Variants in SPACA7 observed in about 807,000 individuals in gnomAD.
The protein encoded by SPACA7 is sperm acrosome-associated protein 7.
In SPACA7, 19 loss-of-function variants were observed where a neutral mutation model predicts 26.3. The observed-to-expected ratio is 0.72, with a 90% confidence interval of 0.50 to 1.06. The LOEUF (loss-of-function observed/expected upper bound fraction) is 1.06, where lower values mean the gene tolerates loss of function less well. SPACA7 is among the 50% of genes least tolerant of loss of function. SPACA7 has a pLI of 0.00. For synonymous variants in SPACA7, 84 were observed against 84.5 expected (o/e 0.99, Z 0.04); for missense variants, 211 against 229.9 (o/e 0.92, Z 0.53).
chr13:112,382,916 G>A (rs938843662), intron 1 of SPACA7, among the ~76,000 whole-genome samples: 21 of 151,844 alleles, frequency 1.4e-4, no homozygotes, highest in African/African-American at 5.1e-4. Context: ...TTGAACCTGG[G>A]AGGCAGCAGT....
chr13:112,425,879 A>C (rs1876491384), intron 5 of SPACA7, among the ~76,000 whole-genome samples: 1 of 152,172 alleles, frequency 6.6e-6, no homozygotes, highest in Admixed American at 6.5e-5. Context: ...AGTGGACAGC[A>C]CCAGAGTTCC....
intron 2 of SPACA7, among the ~76,000 whole-genome samples, chr13:112,393,429 G>A (rs1330239045): frequency 1.2e-4 from 18 of 151,074 alleles, no homozygotes; most frequent in Non-Finnish European, 2.4e-4. Flanking sequence ...CACCAGCACC[G>A]CATTCAACCT....
intron 5 of SPACA7, among the ~76,000 whole-genome samples, chr13:112,412,491 G>T (rs1397194604): frequency 6.6e-6 from 1 of 151,888 alleles, no homozygotes; most frequent in Non-Finnish European, 1.5e-5. Context: ...TGCTTTTGTT[G>T]CCTGTGCTTT....
chr13:112,422,623 A>G (rs1876096280), intron 5 of SPACA7, among the ~76,000 whole-genome samples: 1 of 152,250 alleles, frequency 6.6e-6, no homozygotes. Flanking sequence ...TAAACCAGAA[A>G]TCAATAATAG....
chr13:112,431,579 G>T (rs1877140881), intron 5 of SPACA7, among the ~76,000 whole-genome samples: 1 of 152,178 alleles, frequency 6.6e-6, no homozygotes, highest in African/African-American at 2.4e-5. Context: ...ATATATGAGG[G>T]ATTCTTGTTT....
intron 5 of SPACA7, among the ~76,000 whole-genome samples, chr13:112,409,123 C>T (rs918888463): frequency 1.3e-5 from 2 of 152,150 alleles, no homozygotes; most frequent in African/African-American, 4.8e-5. Flanking sequence ...GAAAGGATTC[C>T]CTATTTAATA....
At chr13:112,409,624 A>G (rs1251496565) in intron 5 of SPACA7, among the ~76,000 whole-genome samples, 2 of 152,240 alleles carry the variant, frequency 1.3e-5, no homozygotes, top group African/African-American at 4.8e-5. Flanking sequence ...AATGCTCATC[A>G]TCACTGGCCA....
intron 5 of SPACA7, among the ~76,000 whole-genome samples, chr13:112,414,039 C>G (rs1366815848): frequency 6.6e-6 from 1 of 152,040 alleles, no homozygotes; most frequent in Non-Finnish European, 1.5e-5. Context: ...TCTTGAACAA[C>G]CAGCTCCTGT....
intron 5 of SPACA7, among the ~76,000 whole-genome samples, chr13:112,404,038 C>A (rs1048006461): frequency 6.6e-6 from 1 of 152,210 alleles, no homozygotes; most frequent in African/African-American, 2.4e-5. Context: ...TACATTCCCA[C>A]CAGCAGTGGA....
intron 5 of SPACA7, among the ~76,000 whole-genome samples, chr13:112,403,640 G>A (rs1885787831): frequency 6.6e-6 from 1 of 152,086 alleles, no homozygotes; most frequent in African/African-American, 2.4e-5. Flanking sequence ...CATCCTCATA[G>A]CTTAGCTCCC....
intron 5 of SPACA7, among the ~76,000 whole-genome samples, chr13:112,425,249 G>C (rs1335535702): frequency 1.3e-5 from 2 of 152,166 alleles, no homozygotes; most frequent in Non-Finnish European, 2.9e-5. Context: ...GTGAGTCAGA[G>C]GGCATGAGTT....
intron 5 of SPACA7, among the ~76,000 whole-genome samples, chr13:112,410,504 A>C (rs1886281171): frequency 6.6e-6 from 1 of 152,096 alleles, no homozygotes. Flanking sequence ...CTTAAAAAGA[A>C]ATAAAATTCT....
At position 112,432,338 on chromosome 13, in the gene SPACA7, T is replaced by A. The variant is rs1293510282; in HGVS notation, c.446-106T>A. On this transcript the variant is annotated intron_variant, in intron 5 of 6. Transcript: ENST00000283550. ...TCACCCCGCTTGCTCTGTGCGTGGG[T>A]GCTGCTTTGCTCAGCGCTTACGGCT... is the stretch of plus-strand genomic sequence containing the variant. The A allele has an allele frequency of 3.5e-6, 3 of 856,960 alleles. No individual in the cohort carries two copies. In the African/African-American group the frequency reaches 5.0e-5, roughly 14 times the overall value. 53.1% of individuals were successfully genotyped at this position (856,960 alleles called of 1,614,324 possible).
intron 5 of SPACA7, among the ~76,000 whole-genome samples, chr13:112,422,028 A>T (rs1345792874): frequency 6.6e-6 from 1 of 152,166 alleles, no homozygotes; most frequent in African/African-American, 2.4e-5. Context: ...TAATTGCTGG[A>T]TGATGAAATA....
intron 1 of SPACA7, chr13:112,382,575 C>A: frequency 6.6e-7 from 1 of 1,520,762 alleles, no homozygotes. Context: ...GCTTCCAAGG[C>A]TTGTGTGGTA....
At chr13:112,389,260 T>G (rs1294189154) in intron 1 of SPACA7, among the ~76,000 whole-genome samples, 2 of 152,224 alleles carry the variant, frequency 1.3e-5, no homozygotes, top group Non-Finnish European at 2.9e-5. Flanking sequence ...TAATGGAGCC[T>G]GTTAAATCTC....
intron 1 of SPACA7, among the ~76,000 whole-genome samples, chr13:112,386,749 C>G (rs1040928892): frequency 6.6e-6 from 1 of 152,184 alleles, no homozygotes; most frequent in Non-Finnish European, 1.5e-5. Flanking sequence ...TTTTAATTAA[C>G]CTGACTTTTA....
At chr13:112,388,956 C>A (rs566482084) in intron 1 of SPACA7, among the ~76,000 whole-genome samples, 31 of 152,226 alleles carry the variant, frequency 2.0e-4, no homozygotes, top group African/African-American at 7.2e-4. Flanking sequence ...CTGGGTGGTG[C>A]CAGCTGATCC....
intron 2 of SPACA7, among the ~76,000 whole-genome samples, chr13:112,397,164 C>T (rs1594270533): frequency 6.6e-6 from 1 of 152,230 alleles, no homozygotes; most frequent in Admixed American, 6.5e-5. Flanking sequence ...TTTCCAGTGG[C>T]ATTTTCAGCC....
Sources: allele counts gnomAD v4.1 joint callset (sites outside exome capture counted in the v4.1 genomes callset), GRCh38; gene constraint gnomAD v4.1.1; transcripts MANE v1.5; gene names NCBI Gene and HGNC (gene_info 2026-07-23, HGNC 2026-07-21).